Variants in NRXN3 observed in about 807,000 individuals in gnomAD.
NRXN3 encodes neurexin III.
NRXN3 carries 32 observed loss-of-function variants against 137.6 expected under a neutral mutation model. The observed-to-expected ratio is 0.23, with a 90% CI of 0.18 to 0.31. The LOEUF (loss-of-function observed/expected upper bound fraction) is 0.31, where lower values mean the gene tolerates loss of function less well. Ranked by LOEUF, NRXN3 falls within the 10% of genes least tolerant of loss-of-function variation. The pLI is 1.00. For missense variants in NRXN3, 1,574 were observed against 2,062.5 expected, an observed-to-expected ratio of 0.76 and a Z score of 4.59; for synonymous variants, 798 against 784.5, an observed-to-expected ratio of 1.02 and a Z score of -0.29.
At chr14:78,398,696 C>T (rs1198425477) in intron 4 of NRXN3, among the ~76,000 whole-genome samples, 1 of 152,196 alleles carries the variant, frequency 6.6e-6, no homozygotes, top group Non-Finnish European at 1.5e-5. Context: ...TGGCAAAAGT[C>T]CTGGCTCTCT....
At chr14:79,147,396 G>C (rs542016640) in intron 15 of NRXN3, among the ~76,000 whole-genome samples, 30 of 152,280 alleles carry the variant, frequency 2.0e-4, no homozygotes, top group Non-Finnish European at 3.5e-4. Flanking sequence ...TGTTTCGCAA[G>C]GAGGTGGAAG....
intron 15 of NRXN3, among the ~76,000 whole-genome samples, chr14:79,299,836 T>C (rs575454152): frequency 1.2e-4 from 19 of 152,204 alleles, no homozygotes; most frequent in African/African-American, 3.6e-4. Flanking sequence ...CGCAATCCTA[T>C]TTGTATACCA....
chr14:79,109,244 G>T (rs2053032982), intron 15 of NRXN3, among the ~76,000 whole-genome samples: 1 of 152,062 alleles, frequency 6.6e-6, no homozygotes, highest in Admixed American at 6.6e-5. Context: ...CTGGACTTGG[G>T]GCTGCCATGT....
In NRXN3 at chr14:79,757,118, A is replaced by T. The variant is rs2099022292; in HGVS notation, c.4015-47994A>T. ...ACTGGTACTTAAGCTTCCCATTTCAAGAGGACATTTGGGTTCACTACACCT... is the reference window on the plus strand; with the variant it reads ...ACTGGTACTTAAGCTTCCCATTTCATGAGGACATTTGGGTTCACTACACCT... On this transcript the variant is annotated intron_variant, in intron 19 of 20. Transcript: ENST00000335750. 2.6e-5 allele frequency among the ~76,000 whole-genome samples: 4 copies of T among 152,270 alleles called. 1 individual carries two copies. In the South Asian group the frequency reaches 8.3e-4, roughly 32 times the overall value.
At chr14:78,573,378 A>C (rs911490343) in intron 4 of NRXN3, among the ~76,000 whole-genome samples, 4 of 152,176 alleles carry the variant, frequency 2.6e-5, no homozygotes, top group African/African-American at 9.7e-5. Flanking sequence ...AGAAGACAGG[A>C]AGATGTGGGA....
intron 20 of NRXN3, among the ~76,000 whole-genome samples, chr14:79,844,302 T>C (rs2099362428): frequency 6.6e-6 from 1 of 150,948 alleles, no homozygotes; most frequent in Admixed American, 6.6e-5. Context: ...CTAATGTTGA[T>C]ATTTTGACTT....
chr14:78,426,530 G>T (rs1422051195), intron 4 of NRXN3, among the ~76,000 whole-genome samples: 1 of 152,184 alleles, frequency 6.6e-6, no homozygotes, highest in Admixed American at 6.5e-5. Context: ...GCCTTCATAA[G>T]GTAACCAAGA....
At chr14:78,289,728 A>G (rs1171180386) in intron 3 of NRXN3, among the ~76,000 whole-genome samples, 2 of 152,024 alleles carry the variant, frequency 1.3e-5, no homozygotes, top group East Asian at 3.9e-4. Context: ...GTCCTGGCCA[A>G]CATGGTTAAA....
chr14:79,303,386 CATCTT>C (rs1157199237), intron 15 of NRXN3, among the ~76,000 whole-genome samples: 1 of 152,084 alleles, frequency 6.6e-6, no homozygotes, highest in African/African-American at 2.4e-5. Context: ...TCTAATCTAA[CATCTT>C]ATCTGGCCAC....
intron 1 of NRXN3, among the ~76,000 whole-genome samples, chr14:78,239,775 T>G (rs961754876): frequency 2.0e-5 from 3 of 152,288 alleles, no homozygotes; most frequent in Admixed American, 2.0e-4. Flanking sequence ...GGCACGATCT[T>G]GGCTCACTGC....
chr14:78,382,341 T>C (rs905028484), intron 4 of NRXN3, among the ~76,000 whole-genome samples: 3 of 152,186 alleles, frequency 2.0e-5, no homozygotes, highest in African/African-American at 7.2e-5. Context: ...AGAGATACTC[T>C]ATAATAGCTG....
intron 15 of NRXN3, among the ~76,000 whole-genome samples, chr14:79,264,191 C>T (rs937060210): frequency 6.6e-6 from 1 of 152,078 alleles, no homozygotes; most frequent in African/African-American, 2.4e-5. Context: ...CAGGTTCAAG[C>T]GCTTCTCCCA....
At chr14:79,776,723 C>G (rs538883181) in intron 19 of NRXN3, among the ~76,000 whole-genome samples, 1 of 152,094 alleles carries the variant, frequency 6.6e-6, no homozygotes, top group Non-Finnish European at 1.5e-5. Context: ...TGGCTAGAGG[C>G]TAAAAGGGAC....
At chr14:79,272,810 G>A (rs780086366) in intron 15 of NRXN3, among the ~76,000 whole-genome samples, 2 of 152,212 alleles carry the variant, frequency 1.3e-5, no homozygotes, top group Non-Finnish European at 2.9e-5. Flanking sequence ...TTTTTCTGCA[G>A]AAGATAGGCA....
At chr14:79,160,855 T>A (rs1179795966) in intron 15 of NRXN3, among the ~76,000 whole-genome samples, 1 of 151,904 alleles carries the variant, frequency 6.6e-6, no homozygotes, top group Non-Finnish European at 1.5e-5. Flanking sequence ...ATGGAAAGCT[T>A]CTTGGGAAGA....
intron 15 of NRXN3, among the ~76,000 whole-genome samples, chr14:79,453,908 T>C (rs1010873301): frequency 3.3e-5 from 5 of 152,138 alleles, no homozygotes; most frequent in African/African-American, 4.8e-5. Flanking sequence ...TCATCTCTCG[T>C]GTCTGGGGTA....
intron 6 of NRXN3, among the ~76,000 whole-genome samples, chr14:78,680,952 T>A (rs2098068535): frequency 6.6e-6 from 1 of 152,158 alleles, no homozygotes; most frequent in Non-Finnish European, 1.5e-5. Context: ...GAGTTAATTA[T>A]CCAGGGATAA....
chr14:78,521,036 G>A (rs2096276642), intron 4 of NRXN3, among the ~76,000 whole-genome samples: 1 of 152,140 alleles, frequency 6.6e-6, no homozygotes, highest in Non-Finnish European at 1.5e-5. Context: ...AACAAAGCTG[G>A]AGAGAACAAA....
chr14:78,509,386 A>T (rs991527791), intron 4 of NRXN3, among the ~76,000 whole-genome samples: 5 of 152,194 alleles, frequency 3.3e-5, no homozygotes, highest in African/African-American at 9.6e-5. Context: ...ATATTTAAGG[A>T]AACCCATTTC....
Sources: gnomAD v4.1 joint callset for allele counts (sites outside exome capture counted in the v4.1 genomes callset) on GRCh38, gnomAD v4.1.1 for gene constraint, MANE v1.5 for transcripts, NCBI Gene and HGNC (gene_info 2026-07-23, HGNC 2026-07-21) for gene names.